Variants in RGS6 observed in about 807,000 individuals in gnomAD.
RGS6 encodes regulator of G-protein signaling 6.
In RGS6, 30 loss-of-function variants were observed where a neutral mutation model predicts 78.5. That is an observed-to-expected ratio of 0.38 (90% CI 0.29 to 0.52). RGS6 has a LOEUF of 0.52. Among genes scored for constraint, RGS6 ranks in the 20% least tolerant of loss-of-function variants. The pLI, the probability that RGS6 is intolerant of heterozygous loss-of-function variation, is 0.85. For missense variants in RGS6, 495 were observed against 609.7 expected (o/e 0.81, Z 1.98); for synonymous variants, 206 against 206.0 (o/e 1.00, Z 0.00).
chr14:72,402,945 T>A (rs2092598266), intron 3 of RGS6, among the ~76,000 whole-genome samples: 1 of 151,948 alleles, frequency 6.6e-6, no homozygotes, highest in South Asian at 2.1e-4. Context: ...TACAGGTGTG[T>A]GCCACCACAC....
At chr14:72,426,431 G>T (rs1022144744) in intron 3 of RGS6, among the ~76,000 whole-genome samples, 4 of 152,108 alleles carry the variant, frequency 2.6e-5, no homozygotes, top group African/African-American at 9.7e-5. Flanking sequence ...AAGGTGTAGA[G>T]CAAACTATTT....
At chr14:72,104,097 T>G (rs17107252) in intron 2 of RGS6, among the ~76,000 whole-genome samples, 7,157 of 152,246 alleles carry the variant, frequency 0.047, 205 homozygotes, top group Admixed American at 0.094. Context: ...AAAATGATGT[T>G]GGAGGAACAA....
chr14:72,014,591 C>T (rs970731260), intron 2 of RGS6, among the ~76,000 whole-genome samples: 3 of 152,146 alleles, frequency 2.0e-5, no homozygotes, highest in Non-Finnish European at 1.5e-5. Flanking sequence ...TTAATAATGT[C>T]ATGAGACTTG....
At chr14:72,540,630 C>T in intron 17 of RGS6, 1 of 1,440,784 alleles carries the variant, frequency 6.9e-7, no homozygotes, top group Non-Finnish European at 9.3e-7. Flanking sequence ...GGCGATGTGG[C>T]CTAGCTGGCG....
At chr14:72,064,784 T>C (rs1372911495) in intron 2 of RGS6, among the ~76,000 whole-genome samples, 1 of 152,196 alleles carries the variant, frequency 6.6e-6, no homozygotes, top group East Asian at 1.9e-4. Context: ...TGCTAAATAA[T>C]AACACACAAA....
At chr14:72,619,641 T>C in the RGS6 span, among the ~76,000 whole-genome samples, 6 of 152,082 alleles carry the variant, frequency 3.9e-5, no homozygotes, top group Non-Finnish European at 5.9e-5. Context: ...AGCTCACACC[T>C]CCCGGTCATC....
intron 2 of RGS6, among the ~76,000 whole-genome samples, chr14:71,980,405 G>T (rs2094388885): frequency 6.6e-6 from 1 of 151,508 alleles, no homozygotes; most frequent in Non-Finnish European, 1.5e-5. Flanking sequence ...GGTACCGGTT[G>T]TTCTTTTCCA....
chr14:72,465,059 G>C (rs1364235063), intron 6 of RGS6, among the ~76,000 whole-genome samples: 5 of 152,226 alleles, frequency 3.3e-5, no homozygotes, highest in East Asian at 1.9e-4. Flanking sequence ...TTGCCAGATA[G>C]AGGGAAGGAG....
chr14:72,525,270 C>T (rs185142171), intron 15 of RGS6, among the ~76,000 whole-genome samples: 77 of 152,276 alleles, frequency 5.1e-4, no homozygotes, highest in Middle Eastern at 6.8e-3. Context: ...AAATTAAATT[C>T]CTACAATGTG....
intron 17 of RGS6, among the ~76,000 whole-genome samples, chr14:72,549,876 C>A (rs190042233): frequency 4.0e-4 from 61 of 152,236 alleles, no homozygotes; most frequent in African/African-American, 1.1e-3. Flanking sequence ...CCACAAAAAA[C>A]CCCCCAGAGA....
intron 2 of RGS6, among the ~76,000 whole-genome samples, chr14:72,125,412 T>C (rs181290528): frequency 2.5e-4 from 38 of 152,254 alleles, no homozygotes; most frequent in Admixed American, 5.2e-4. Context: ...CATGCCTCCT[T>C]CTTCACATCC....
At chr14:72,483,608 G>T (rs2096426615) in intron 12 of RGS6, among the ~76,000 whole-genome samples, 1 of 151,988 alleles carries the variant, frequency 6.6e-6, no homozygotes, top group South Asian at 2.1e-4. Context: ...TAGTTTCAGG[G>T]GAGGAAAAAA....
At chr14:72,386,957 C>T (rs1462343860) in intron 3 of RGS6, among the ~76,000 whole-genome samples, 3 of 152,012 alleles carry the variant, frequency 2.0e-5, no homozygotes, top group Non-Finnish European at 4.4e-5. Context: ...CACTTGGAAA[C>T]TTTTTCAGAT....
At chr14:72,513,391 C>T (rs114577578) in intron 14 of RGS6, among the ~76,000 whole-genome samples, 1 of 152,080 alleles carries the variant, frequency 6.6e-6, no homozygotes, top group Non-Finnish European at 1.5e-5. Context: ...AGGGTGGGGG[C>T]ATCATCTCTG....
chr14:72,449,381 G>C (rs898015500), intron 3 of RGS6, among the ~76,000 whole-genome samples: 2 of 152,178 alleles, frequency 1.3e-5, no homozygotes, highest in African/African-American at 4.8e-5. Context: ...TGCATAATCT[G>C]ATCTGGGCTC....
chr14:71,871,938 T>C, the RGS6 span, among the ~76,000 whole-genome samples: 1 of 144,208 alleles, frequency 6.9e-6, no homozygotes, highest in African/African-American at 2.5e-5. Context: ...ATCGATTTCC[T>C]GGAGCACTGA....
In RGS6 at chr14:72,304,851, G is replaced by T. The variant is rs1339846166; in HGVS notation, c.85-47244G>T. ...GTTGAGATCGTGAAACTGCACTCCAGGCTGGGCACAGAGCGAGATTCTGTC... is the reference window on the plus strand; with the variant it reads ...GTTGAGATCGTGAAACTGCACTCCATGCTGGGCACAGAGCGAGATTCTGTC... On this transcript the variant is annotated intron_variant, in intron 2 of 17. Coordinates refer to ENST00000553525, the MANE Select transcript of RGS6 (RefSeq NM_001204424.2). Among the ~76,000 whole-genome samples, 3 of 151,782 alleles carry T rather than the reference G, an allele frequency of 2.0e-5. No homozygotes were observed. The East Asian group carries it at 5.8e-4, about 29-fold the overall frequency.
chr14:72,365,876 G>C (rs1298966796), intron 3 of RGS6, among the ~76,000 whole-genome samples: 1 of 152,134 alleles, frequency 6.6e-6, no homozygotes, highest in East Asian at 1.9e-4. Context: ...TGGGAGAGAA[G>C]ACACAAGATC....
At chr14:72,362,933 A>G (rs1206934208) in intron 3 of RGS6, among the ~76,000 whole-genome samples, 1 of 152,262 alleles carries the variant, frequency 6.6e-6, no homozygotes, top group Non-Finnish European at 1.5e-5. Context: ...CATTCCACGT[A>G]GAGAAAATAG....
Sources: allele counts gnomAD v4.1 joint callset (sites outside exome capture counted in the v4.1 genomes callset), GRCh38; gene constraint gnomAD v4.1.1; transcripts MANE v1.5; gene names NCBI Gene and HGNC (gene_info 2026-07-23, HGNC 2026-07-21).